The following ADARB2 variants were observed in gnomAD, a reference collection of about 807,000 sequenced individuals.
ADARB2 encodes adenosine deaminase RNA specific B2 (inactive), also known as inactive double-stranded RNA-specific editase B2.
A neutral mutation model predicts 62.2 loss-of-function variants in ADARB2; 25 were observed. The observed-to-expected ratio is 0.40, with a 90% CI of 0.29 to 0.56. The LOEUF (loss-of-function observed/expected upper bound fraction) is 0.56, where lower values mean the gene tolerates loss of function less well. Among genes scored for constraint, ADARB2 ranks in the 20% least tolerant of loss-of-function variants. The pLI is 0.43. For synonymous variants in ADARB2, 572 were observed against 500.8 expected (o/e 1.14, Z -1.90); for missense variants, 1,071 against 1,077.4 (o/e 0.99, Z 0.08).
chr10:1,637,606 T>A (rs963466692), intron 1 of ADARB2, among the ~76,000 whole-genome samples: 1 of 152,000 alleles, frequency 6.6e-6, no homozygotes, highest in African/African-American at 2.4e-5. Context: ...GTAGGGAAAG[T>A]ATTGTAAGGT....
chr10:1,453,332 A>G (rs1831061267), intron 1 of ADARB2, among the ~76,000 whole-genome samples: 1 of 152,224 alleles, frequency 6.6e-6, no homozygotes, highest in South Asian at 2.1e-4. Context: ...CATCCGAGAA[A>G]TTCATTTGCC....
At chr10:1,432,634 TTGTC>T (rs1174084196) in intron 1 of ADARB2, among the ~76,000 whole-genome samples, 4 of 151,604 alleles carry the variant, frequency 2.6e-5, no homozygotes, top group African/African-American at 9.7e-5. Context: ...CTTATTTCCT[TTGTC>T]TGGGAACATA....
rs1321267804 is a variant in ADARB2, at chr10:1,563,806, G to A, written c.100+173245C>T. On this transcript the variant is annotated intron_variant, in intron 1 of 9. Transcript: ENST00000381312. ...TCCCCCCACCCCACAACAGTCCTCA[G>A]AGTGTGATGTTCCCCTTCCTGTGTC... 1.1e-4 allele frequency among the ~76,000 whole-genome samples: 13 copies of A among 120,676 alleles called. 1 individual carries two copies. In the South Asian group the frequency reaches 3.7e-3, roughly 35 times the overall value. The allele number at this position is 120,676 out of a possible 152,430, so 79.2% of individuals were successfully genotyped here.
intron 4 of ADARB2, among the ~76,000 whole-genome samples, chr10:1,248,531 A>T (rs539092885): frequency 6.6e-6 from 1 of 152,302 alleles, no homozygotes; most frequent in East Asian, 1.9e-4. Flanking sequence ...GGCCATTCTC[A>T]GGAGGAGGCT....
At chr10:1,645,678 G>A (rs1252299444) in intron 1 of ADARB2, among the ~76,000 whole-genome samples, 6 of 152,056 alleles carry the variant, frequency 3.9e-5, no homozygotes, top group African/African-American at 1.4e-4. Context: ...CCAGCTCTGA[G>A]TCCATCCCTG....
chr10:1,254,706 G>A (rs1369664765), intron 4 of ADARB2, among the ~76,000 whole-genome samples: 1 of 152,236 alleles, frequency 6.6e-6, no homozygotes, highest in African/African-American at 2.4e-5. Flanking sequence ...TGCAGTTTGG[G>A]AATAGGTGCT....
At chr10:1,679,374 C>A (rs1834507613) in intron 1 of ADARB2, among the ~76,000 whole-genome samples, 1 of 152,120 alleles carries the variant, frequency 6.6e-6, no homozygotes, top group African/African-American at 2.4e-5. Context: ...CTCTATTTCC[C>A]TCCCTGAATT....
chr10:1,650,524 G>C (rs545861471), intron 1 of ADARB2, among the ~76,000 whole-genome samples: 47 of 152,322 alleles, frequency 3.1e-4, no homozygotes, highest in African/African-American at 1.1e-3. Context: ...ACCTCCGCCA[G>C]TCTTGGCGAA....
intron 1 of ADARB2, among the ~76,000 whole-genome samples, chr10:1,666,567 T>C (rs185519404): frequency 1.7e-3 from 258 of 152,340 alleles, no homozygotes; most frequent in African/African-American, 5.7e-3. Context: ...CTGCCGCATC[T>C]GGGGTATCCA....
intron 1 of ADARB2, among the ~76,000 whole-genome samples, chr10:1,664,281 T>G (rs973765957): frequency 6.6e-6 from 1 of 152,088 alleles, no homozygotes; most frequent in Non-Finnish European, 1.5e-5. Flanking sequence ...AGTGTGTGGG[T>G]TTCTGTGTGC....
At chr10:1,211,174 T>C (rs368023258) in intron 7 of ADARB2, among the ~76,000 whole-genome samples, 2 of 151,700 alleles carry the variant, frequency 1.3e-5, no homozygotes, top group East Asian at 3.9e-4. Flanking sequence ...ATCTATGATC[T>C]ATCATCTAAT....
At chr10:1,266,447 A>G (rs946950855) in intron 4 of ADARB2, among the ~76,000 whole-genome samples, 2 of 148,770 alleles carry the variant, frequency 1.3e-5, no homozygotes, top group South Asian at 2.1e-4. Context: ...CAGGGAGGAA[A>G]GGACCGCCTG....
intron 4 of ADARB2, among the ~76,000 whole-genome samples, chr10:1,265,639 C>G (rs1263540371): frequency 1.0e-5 from 1 of 96,086 alleles, no homozygotes; most frequent in Admixed American, 9.3e-5. Context: ...CGGAAGACGG[C>G]CTGAGCCAGG....
chr10:1,543,250 G>A (rs1832466567), intron 1 of ADARB2, among the ~76,000 whole-genome samples: 3 of 152,222 alleles, frequency 2.0e-5, no homozygotes, highest in African/African-American at 7.2e-5. Context: ...GGCCTCATCT[G>A]GAGGGCTGCG....
At chr10:1,394,275 C>G (rs1266121663) in intron 1 of ADARB2, among the ~76,000 whole-genome samples, 2 of 152,182 alleles carry the variant, frequency 1.3e-5, no homozygotes, top group Non-Finnish European at 2.9e-5. Context: ...ACAAGTATGT[C>G]CTGTGAAGAT....
intron 1 of ADARB2, among the ~76,000 whole-genome samples, chr10:1,563,534 C>T (rs1393150892): frequency 6.6e-6 from 1 of 152,134 alleles, no homozygotes; most frequent in African/African-American, 2.4e-5. Flanking sequence ...AATATAAGGC[C>T]ACTACTATAA....
rs1367058569 is a variant in ADARB2 at position 1,710,800 on chromosome 10, A to G, written c.100+26251T>C. 8.5e-5 allele frequency among the ~76,000 whole-genome samples: 13 copies of G among 152,246 alleles called. No homozygotes were observed. In the East Asian group the frequency reaches 2.5e-3, roughly 29 times the overall value. On this transcript the variant is annotated intron_variant, in intron 1 of 9. Coordinates refer to ENST00000381312, the MANE Select transcript of ADARB2 (RefSeq NM_018702.4). Reference sequence around the variant, plus strand: ...TCAGCTTCGTCTTTACTGGCCAGAAAGACCACCCTGGGGCTTCACCTTCAC... The same window carrying G: ...TCAGCTTCGTCTTTACTGGCCAGAAGGACCACCCTGGGGCTTCACCTTCAC...
At chr10:1,622,978 A>G (rs1833723498) in intron 1 of ADARB2, among the ~76,000 whole-genome samples, 1 of 152,170 alleles carries the variant, frequency 6.6e-6, no homozygotes, top group South Asian at 2.1e-4. Context: ...CAAACCTTAG[A>G]ATAGCATTCC....
chr10:1,330,698 A>G (rs575137890), intron 3 of ADARB2, among the ~76,000 whole-genome samples: 7 of 152,346 alleles, frequency 4.6e-5, no homozygotes, highest in South Asian at 4.1e-4. Context: ...GCAACGATTC[A>G]TTAGCTAGGA....
Sources: allele counts gnomAD v4.1 joint callset (sites outside exome capture counted in the v4.1 genomes callset), GRCh38; gene constraint gnomAD v4.1.1; transcripts MANE v1.5; gene names NCBI Gene and HGNC (gene_info 2026-07-23, HGNC 2026-07-21).